OTUD7A: variants seen among roughly 807,000 people sequenced by gnomAD.
OTUD7A encodes the protein OTU domain-containing protein 7A.
OTUD7A carries 12 observed loss-of-function variants against 65.7 expected under a neutral mutation model. The ratio of observed to expected loss-of-function variants is 0.18; its 90% confidence interval spans 0.12 to 0.30. The LOEUF (loss-of-function observed/expected upper bound fraction) is 0.30. Among genes scored for constraint, OTUD7A ranks in the 10% least tolerant of loss-of-function variants. OTUD7A has a pLI of 1.00. For synonymous variants in OTUD7A, 641 were observed against 586.3 expected (o/e 1.09, Z -1.35); for missense variants, 1,148 against 1,304.8 (o/e 0.88, Z 1.85).
chr15:31,838,666 C>G (rs1015249226), intron 1 of OTUD7A, among the ~76,000 whole-genome samples: 1 of 134,702 alleles, frequency 7.4e-6, no homozygotes, highest in Non-Finnish European at 1.6e-5. Flanking sequence ...GACCCCCCCC[C>G]ACTACTCCTA....
At chr15:31,840,163 T>C (rs989204505) in intron 1 of OTUD7A, among the ~76,000 whole-genome samples, 7 of 152,186 alleles carry the variant, frequency 4.6e-5, no homozygotes, top group Admixed American at 1.3e-4. Context: ...CTCACACCTG[T>C]AATCTCAGCA....
intron 1 of OTUD7A, among the ~76,000 whole-genome samples, chr15:31,663,059 C>CTTT (rs56747304): frequency 0.036 from 5,254 of 146,024 alleles, 153 homozygotes; most frequent in Middle Eastern, 0.079. Flanking sequence ...TGTGTTAACT[C>CTTT]TTTTTTTTTT....
intron 1 of OTUD7A, among the ~76,000 whole-genome samples, chr15:31,693,687 T>C (rs1893010850): frequency 6.6e-6 from 1 of 152,174 alleles, no homozygotes; most frequent in Admixed American, 6.5e-5. Context: ...GACCCAGGTC[T>C]GTAAGGTGCA....
At chr15:31,680,271 T>C (rs1371809508) in intron 1 of OTUD7A, among the ~76,000 whole-genome samples, 1 of 152,214 alleles carries the variant, frequency 6.6e-6, no homozygotes. Flanking sequence ...TAATATAGAA[T>C]TGTAACTGTA....
chr15:31,625,681 C>G (rs533575428), intron 3 of OTUD7A, among the ~76,000 whole-genome samples: 25 of 152,226 alleles, frequency 1.6e-4, no homozygotes, highest in Admixed American at 1.4e-3. Context: ...AAAGCAAAGC[C>G]ACATCTCCAT....
chr15:31,754,523 G>C (rs1894754824), intron 1 of OTUD7A, among the ~76,000 whole-genome samples: 1 of 152,098 alleles, frequency 6.6e-6, no homozygotes, highest in African/African-American at 2.4e-5. Flanking sequence ...TCCATCTTAA[G>C]TTGATTTTTG....
intron 3 of OTUD7A, among the ~76,000 whole-genome samples, chr15:31,611,663 T>C (rs897310072): frequency 5.3e-5 from 8 of 151,958 alleles, no homozygotes; most frequent in Non-Finnish European, 8.8e-5. Flanking sequence ...AATGGTAATT[T>C]AAAAATTACC....
At chr15:31,553,910 C>T (rs375576293) in intron 5 of OTUD7A, among the ~76,000 whole-genome samples, 30 of 152,022 alleles carry the variant, frequency 2.0e-4, no homozygotes, top group African/African-American at 6.8e-4. Context: ...AATCAAGACG[C>T]GTCAGCCCCC....
At chr15:31,556,817 G>A (rs552719120) in intron 5 of OTUD7A, 3 of 152,330 alleles carry the variant, frequency 2.0e-5, no homozygotes, top group East Asian at 3.9e-4. Flanking sequence ...ACTAATTTCC[G>A]CTTCTCTATG....
chr15:31,479,863 T>C lies in OTUD7A; in HGVS notation c.*3431A>G, dbSNP rs2041090323. ...CATTCGATTTGTAAATAGATTCAAA[T>C]GCCACTGGGTGGTAATAGGTATGAA... On this transcript the variant is annotated 3_prime_UTR_variant, in exon 13 of 13. Coordinates refer to ENST00000307050, the MANE Select transcript of OTUD7A (RefSeq NM_001382637.1). The C allele has an allele frequency of 6.6e-6, 1 of 152,224 alleles. No homozygotes were observed. The highest frequency in any genetic ancestry group is 2.4e-5 in the African/African-American group (1 of 41,468). The allele number at this position is 152,224 out of a possible 1,614,324, so 9.4% of individuals were successfully genotyped here.
intron 3 of OTUD7A, among the ~76,000 whole-genome samples, chr15:31,618,177 A>G (rs1046650633): frequency 6.6e-6 from 1 of 152,174 alleles, no homozygotes; most frequent in African/African-American, 2.4e-5. Context: ...CCAGTCTATC[A>G]TTGATGGACA....
At chr15:31,628,495 G>A (rs1199751299) in intron 3 of OTUD7A, among the ~76,000 whole-genome samples, 4 of 152,150 alleles carry the variant, frequency 2.6e-5, no homozygotes, top group Non-Finnish European at 4.4e-5. Flanking sequence ...GGTTACTGTA[G>A]CCTTGTAGTA....
chr15:31,558,585 G>A (rs1888576069), intron 5 of OTUD7A: 1 of 241,926 alleles, frequency 4.1e-6, no homozygotes, highest in Admixed American at 4.9e-5. Context: ...CAAGTCCACA[G>A]GAAGTGGCGG....
In OTUD7A at chr15:31,484,204, A is replaced by G. The variant is rs757317947; in HGVS notation, c.1892T>C (p.Ile631Thr). Reference protein sequence around the residue: ...YSTDVKLSLNILRAAMQGERK... With the variant: ...YSTDVKLSLNTLRAAMQGERK... ...CTCCCCCTGCATGGCGGCGCGCAGG[A>G]TGTTGAGGCTCAGCTTCACATCCGT... Residue 631 changes from isoleucine (I) to threonine (T), a missense_variant, in exon 13 of 13, where the codon ATC (isoleucine) becomes ACC (threonine). Coordinates refer to ENST00000307050, the MANE Select transcript of OTUD7A (RefSeq NM_001382637.1). The surrounding 1 kb of genome is among the most constrained non-coding windows in gnomAD (Gnocchi z 4.5). 1.5e-5 allele frequency: 24 copies of G among 1,608,900 alleles called. No individual in the cohort carries two copies. In the South Asian group the frequency reaches 2.6e-4, roughly 18 times the overall value.
At chr15:31,806,132 G>C (rs1319635740) in intron 1 of OTUD7A, among the ~76,000 whole-genome samples, 5 of 152,184 alleles carry the variant, frequency 3.3e-5, no homozygotes, top group Non-Finnish European at 7.3e-5. Flanking sequence ...GAAACCTCTG[G>C]AAGTTTATTC....
At chr15:31,610,608 TA>T (rs1890378137) in intron 3 of OTUD7A, among the ~76,000 whole-genome samples, 2 of 48,960 alleles carry the variant, frequency 4.1e-5, no homozygotes, top group African/African-American at 8.8e-5. Flanking sequence ...TATATATATA[TA>T]TATATATATT....
At chr15:31,742,605 C>T (rs1032212313) in intron 1 of OTUD7A, among the ~76,000 whole-genome samples, 12 of 152,172 alleles carry the variant, frequency 7.9e-5, no homozygotes, top group African/African-American at 2.9e-4. Context: ...TAAACATATA[C>T]ATAATTGAAT....
At chr15:31,837,461 G>T (rs1225533307) in intron 1 of OTUD7A, among the ~76,000 whole-genome samples, 1 of 151,724 alleles carries the variant, frequency 6.6e-6, no homozygotes, top group African/African-American at 2.4e-5. Flanking sequence ...CAGGAGAATC[G>T]CTTGAACCCA....
intron 3 of OTUD7A, among the ~76,000 whole-genome samples, chr15:31,582,699 C>T (rs1051587549): frequency 6.6e-6 from 1 of 152,188 alleles, no homozygotes; most frequent in Non-Finnish European, 1.5e-5. Context: ...ATTCAATTAT[C>T]TCCACCTGGC....
Sources: allele counts gnomAD v4.1 joint callset (sites outside exome capture counted in the v4.1 genomes callset), GRCh38; gene constraint gnomAD v4.1.1; non-coding constraint Gnocchi (gnomAD v3.1); transcripts MANE v1.5; gene names NCBI Gene and HGNC (gene_info 2026-07-23, HGNC 2026-07-21).